The following ZFPM2 variants were observed in gnomAD, a reference collection of about 807,000 sequenced individuals.
The protein encoded by ZFPM2 is zinc finger protein ZFPM2.
ZFPM2 carries 20 observed loss-of-function variants against 98.6 expected under a neutral mutation model. The observed-to-expected ratio is 0.20, with a 90% CI of 0.14 to 0.29. The LOEUF (loss-of-function observed/expected upper bound fraction) is 0.29. Among genes scored for constraint, ZFPM2 ranks in the 10% least tolerant of loss-of-function variants. The pLI is 1.00. For missense variants in ZFPM2, 1,310 were observed against 1,388.6 expected (o/e 0.94, Z 0.90); for synonymous variants, 518 against 502.7 (o/e 1.03, Z -0.41).
At chr8:105,450,329 A>G (rs1306670268) in intron 3 of ZFPM2, among the ~76,000 whole-genome samples, 1 of 152,180 alleles carries the variant, frequency 6.6e-6, no homozygotes, top group African/African-American at 2.4e-5. Flanking sequence ...AAGGGCTTGA[A>G]GATTACAGTT....
intron 5 of ZFPM2, among the ~76,000 whole-genome samples, chr8:105,660,944 C>A (rs1218125050): frequency 6.6e-6 from 1 of 151,912 alleles, no homozygotes; most frequent in Non-Finnish European, 1.5e-5. Context: ...CTATATATAC[C>A]CTAGTGGTCT....
intron 3 of ZFPM2, among the ~76,000 whole-genome samples, chr8:105,550,073 C>T (rs1814815963): frequency 6.6e-6 from 1 of 152,144 alleles, no homozygotes; most frequent in Admixed American, 6.6e-5. Flanking sequence ...ATGAATCTTA[C>T]TAGCTTTCTT....
intron 1 of ZFPM2, 82 bp from the exon 2 acceptor site, chr8:105,419,062 C>CA (rs3214948): frequency 7.2e-7 from 1 of 1,386,332 alleles, no homozygotes; most frequent in Non-Finnish European, 9.8e-7. Context: ...ACCACTGTAA[C>CA]AAAAAAAGGC....
chr8:105,619,724 C>A (rs915901554), intron 4 of ZFPM2, among the ~76,000 whole-genome samples: 3 of 150,434 alleles, frequency 2.0e-5, no homozygotes, highest in African/African-American at 7.3e-5. Context: ...ATGTTTCCCA[C>A]CCAGTGTCCA....
intron 7 of ZFPM2, 62 bp from the exon 8 acceptor site, chr8:105,800,985 C>T: frequency 6.8e-7 from 1 of 1,465,596 alleles, no homozygotes; most frequent in Admixed American, 2.0e-5. Flanking sequence ...TAGAAAAGGT[C>T]CCTGTCATTC....
At position 105,739,066 on chromosome 8, in the gene ZFPM2, G is replaced by A. The variant is rs116236653; in HGVS notation, c.533-49652G>A. On this transcript the variant is annotated intron_variant, in intron 5 of 7. Transcript: ENST00000407775. ...GCAGCAGGCACACTGACAACAGAGG[G>A]AAGTAAGCAAAAAGAAATAAATAAG... 2.4e-3 allele frequency among the ~76,000 whole-genome samples: 365 copies of A among 152,098 alleles called. 1 individual carries two copies. Among genetic ancestry groups the A allele is most frequent in the African/African-American group, 8.4e-3 (348 of 41,526 alleles).
intron 5 of ZFPM2, among the ~76,000 whole-genome samples, chr8:105,696,349 T>C (rs1165665268): frequency 6.6e-6 from 1 of 152,166 alleles, no homozygotes; most frequent in African/African-American, 2.4e-5. Context: ...CCTTCCCCCT[T>C]AATCCCTTTC....
At chr8:105,608,099 A>G (rs1410434390) in intron 4 of ZFPM2, among the ~76,000 whole-genome samples, 1 of 152,070 alleles carries the variant, frequency 6.6e-6, no homozygotes, top group East Asian at 1.9e-4. Context: ...ACCAAATACC[A>G]CACGTTTTCA....
intron 5 of ZFPM2, among the ~76,000 whole-genome samples, chr8:105,684,724 C>T (rs1426151618): frequency 1.3e-5 from 2 of 152,032 alleles, no homozygotes; most frequent in Admixed American, 6.6e-5. Context: ...TACTTACTAA[C>T]TCTTCTCAAC....
intron 1 of ZFPM2, among the ~76,000 whole-genome samples, chr8:105,401,414 G>A (rs777883533): frequency 1.4e-4 from 21 of 152,008 alleles, no homozygotes; most frequent in Non-Finnish European, 2.5e-4. Context: ...TCTTTAAATT[G>A]CGTGTACTTG....
chr8:105,645,522 T>A (rs1817025815), intron 5 of ZFPM2, among the ~76,000 whole-genome samples: 1 of 152,206 alleles, frequency 6.6e-6, no homozygotes, highest in Non-Finnish European at 1.5e-5. Flanking sequence ...GATGTCTGCT[T>A]TTTATTTTAA....
chr8:105,480,012 G>C (rs976712570), intron 3 of ZFPM2, among the ~76,000 whole-genome samples: 1 of 152,192 alleles, frequency 6.6e-6, no homozygotes, highest in Non-Finnish European at 1.5e-5. Context: ...TCCCCGTTGA[G>C]CATCAAATAG....
intron 1 of ZFPM2, among the ~76,000 whole-genome samples, chr8:105,404,473 G>A (rs755575786): frequency 1.3e-5 from 2 of 151,934 alleles, no homozygotes; most frequent in Non-Finnish European, 2.9e-5. Context: ...GTAAAGGAGA[G>A]GTTGCTTTTT....
At chr8:105,537,198 T>C (rs1814470906) in intron 3 of ZFPM2, among the ~76,000 whole-genome samples, 1 of 111,242 alleles carries the variant, frequency 9.0e-6, no homozygotes, top group South Asian at 2.9e-4. Flanking sequence ...TTAATTCAGA[T>C]TTTTTTTTTC....
chr8:105,433,122 C>T (rs1464167436), intron 2 of ZFPM2, among the ~76,000 whole-genome samples: 2 of 152,092 alleles, frequency 1.3e-5, no homozygotes, highest in South Asian at 2.1e-4. Flanking sequence ...CCTTGAATGC[C>T]TTGTTTTCCC....
chr8:105,417,584 GTT>G (rs879624086), intron 1 of ZFPM2, among the ~76,000 whole-genome samples: 1 of 151,842 alleles, frequency 6.6e-6, no homozygotes, highest in African/African-American at 2.4e-5. Context: ...CAAATAAATG[GTT>G]TAAGGATTGT....
At chr8:105,647,925 T>C (rs1586172438) in intron 5 of ZFPM2, among the ~76,000 whole-genome samples, 1 of 152,324 alleles carries the variant, frequency 6.6e-6, no homozygotes, top group East Asian at 1.9e-4. Context: ...ATGGTATTTC[T>C]AGTTCTAGAT....
chr8:105,645,115 G>T (rs1356856673), intron 5 of ZFPM2, among the ~76,000 whole-genome samples: 1 of 152,078 alleles, frequency 6.6e-6, no homozygotes, highest in Non-Finnish European at 1.5e-5. Context: ...GCTGCTCAAT[G>T]AATATTTTTG....
At chr8:105,749,726 A>G (rs899506842) in intron 5 of ZFPM2, among the ~76,000 whole-genome samples, 5 of 151,980 alleles carry the variant, frequency 3.3e-5, no homozygotes, top group African/African-American at 1.2e-4. Flanking sequence ...AGGAGAATGT[A>G]GGAAAGGAAG....
Sources: allele counts gnomAD v4.1 joint callset (sites outside exome capture counted in the v4.1 genomes callset), GRCh38; gene constraint gnomAD v4.1.1; transcripts MANE v1.5; gene names NCBI Gene and HGNC (gene_info 2026-07-23, HGNC 2026-07-21).